PLAA: variants seen among roughly 807,000 people sequenced by gnomAD.
PLAA encodes the protein phospholipase A2 activating protein.
A neutral mutation model predicts 84.1 loss-of-function variants in PLAA; 48 were observed. The observed-to-expected ratio is 0.57, with a 90% confidence interval of 0.45 to 0.73. The LOEUF is 0.73. PLAA is among the 30% of genes least tolerant of loss of function. The pLI, the probability that PLAA is intolerant of heterozygous loss-of-function variation, is 0.00. For missense variants in PLAA, 903 were observed against 954.7 expected (o/e 0.95, Z 0.71); for synonymous variants, 392 against 336.6 (o/e 1.16, Z -1.80).
At chr9:26,936,068 C>T (rs951083650) in intron 1 of PLAA, among the ~76,000 whole-genome samples, 12 of 152,004 alleles carry the variant, frequency 7.9e-5, no homozygotes, top group African/African-American at 2.9e-4. Context: ...ATCCCTGACT[C>T]AGCTAAATCA....
At chr9:26,906,119 A>C in intron 13 of PLAA, 43 bp from the exon 14 acceptor site, 1 of 1,281,408 alleles carries the variant, frequency 7.8e-7, no homozygotes, top group Non-Finnish European at 1.0e-6. Flanking sequence ...AAAATAAAGA[A>C]AATTTCTTTT....
At chr9:26,917,750 G>A (rs369900494) in intron 9 of PLAA, among the ~76,000 whole-genome samples, 5 of 152,226 alleles carry the variant, frequency 3.3e-5, no homozygotes, top group South Asian at 2.1e-4. Context: ...AATGTGTGGC[G>A]TATGTGCCTA....
chr9:26,941,085 G>A (rs1825519072), intron 1 of PLAA, among the ~76,000 whole-genome samples: 1 of 147,280 alleles, frequency 6.8e-6, no homozygotes, highest in African/African-American at 2.5e-5. Context: ...CAAGTCCCTA[G>A]CACAATGTTT....
At chr9:26,922,838 G>A (rs557076965) in intron 7 of PLAA, among the ~76,000 whole-genome samples, 4 of 151,960 alleles carry the variant, frequency 2.6e-5, no homozygotes, top group Admixed American at 2.0e-4. Flanking sequence ...GGCTAATTTC[G>A]TATTTAAACT....
In PLAA at chr9:26,923,140, T is replaced by A. The variant is rs201954671; in HGVS notation, c.1039+38A>T. The A allele has an allele frequency of 2.0e-5, 29 of 1,430,730 alleles. No individual in the cohort carries two copies. The East Asian group carries it at 6.5e-4, about 32-fold the overall frequency. The allele number at this position is 1,430,730 out of a possible 1,614,324, so 88.6% of individuals were successfully genotyped here. On this transcript the variant is annotated intron_variant, in intron 7 of 13. Coordinates refer to ENST00000397292, the MANE Select transcript of PLAA (RefSeq NM_001031689.3). ...TTCTAATTGTTCCAAAAGCCAAATA[T>A]GGTGAATTTTTTCTACTAGGTACAA...
rs1425927279 is a variant in PLAA, at chr9:26,928,174, C to G, written c.491G>C (p.Gly164Ala). ...VWAVKILPEQ[G>A]LMLTGSADKT... ...GTCTGCTGATCCAGTCAACATTAAG[C>G]CCTGTTCAGGTAAGATCTTTACCGC... The change falls in exon 4 of 14, where the codon GGC (glycine) becomes GCC (alanine). Residue 164 changes from glycine (G) to alanine (A), a missense_variant. By Grantham distance (60) the Gly-to-Ala change is moderately conservative. Coordinates refer to ENST00000397292, the MANE Select transcript of PLAA (RefSeq NM_001031689.3). The G allele has an allele frequency of 6.2e-7, 1 of 1,614,178 alleles. No homozygotes were observed.
intron 13 of PLAA, chr9:26,907,541 AAAAC>A (rs1824275372): frequency 2.4e-5 from 7 of 291,810 alleles, no homozygotes; most frequent in South Asian, 2.4e-4. Flanking sequence ...CTCCATTTCA[AAAAC>A]AAAAACAAAA....
intron 1 of PLAA, among the ~76,000 whole-genome samples, chr9:26,940,361 C>G (rs1825493951): frequency 6.6e-6 from 1 of 152,154 alleles, no homozygotes; most frequent in Non-Finnish European, 1.5e-5. Context: ...ATGGAAGAAC[C>G]TTGAGGACAT....
chr9:26,946,793 T>G, intron 1 of PLAA, 104 bp downstream of exon 1: 1 of 1,300,430 alleles, frequency 7.7e-7, no homozygotes, highest in Non-Finnish European at 1.0e-6. Flanking sequence ...GAGGGAAGGC[T>G]GGGGGGAGAG....
At chr9:26,925,351 A>C (rs891010037) in intron 6 of PLAA, among the ~76,000 whole-genome samples, 1 of 152,216 alleles carries the variant, frequency 6.6e-6, no homozygotes, top group African/African-American at 2.4e-5. Flanking sequence ...GTTAAGCCCC[A>C]TTGTACCTAT....
chr9:26,918,694 T>C (rs1320318064), intron 9 of PLAA, among the ~76,000 whole-genome samples: 1 of 152,170 alleles, frequency 6.6e-6, no homozygotes, highest in African/African-American at 2.4e-5. Context: ...AAATGTTATT[T>C]AGAGGAGGCA....
intron 1 of PLAA, among the ~76,000 whole-genome samples, chr9:26,941,647 A>G (rs1189829130): frequency 6.6e-6 from 1 of 152,236 alleles, no homozygotes; most frequent in Non-Finnish European, 1.5e-5. Context: ...GAAATACCTT[A>G]AAACATTTTT....
In PLAA at chr9:26,905,256, T is replaced by C. The variant is rs1269058746; in HGVS notation, c.*255A>G. The C allele has an allele frequency of 4.8e-6, 2 of 420,486 alleles. No homozygotes were observed. The highest frequency in any genetic ancestry group is 4.2e-5 in the East Asian group (1 of 23,808). 26.0% of individuals were successfully genotyped at this position (420,486 alleles called of 1,614,324 possible). A position where few individuals can be genotyped will look rare whatever the true frequency, so the allele number is the denominator to read the frequency against. On this transcript the variant is annotated 3_prime_UTR_variant, in exon 14 of 14. Transcript: ENST00000397292. ...AGGTAAGGGGAAGATGTCATTGTCA[T>C]TGTGTTGTTGCTGATTATAGCTTAT...
intron 10 of PLAA, chr9:26,916,772 T>A: frequency 2.7e-6 from 2 of 748,360 alleles, no homozygotes; most frequent in Non-Finnish European, 3.3e-6. Context: ...TCATAGCAAG[T>A]AAGTGGTAGA....
intron 1 of PLAA, among the ~76,000 whole-genome samples, chr9:26,940,715 G>GAGGTGAGGACAAAGAGGC (rs958582460): frequency 5.3e-5 from 8 of 152,184 alleles, no homozygotes; most frequent in Non-Finnish European, 1.2e-4. Context: ...TATACCTCCA[G>GAGGTGAGGACAAAGAGGC]AGGTGAGGAC....
chr9:26,937,346 CAA>C (rs1480520441), intron 1 of PLAA, among the ~76,000 whole-genome samples: 1 of 152,072 alleles, frequency 6.6e-6, no homozygotes, highest in Non-Finnish European at 1.5e-5. Context: ...ATATTTGAAA[CAA>C]AGACACCCTT....
chr9:26,946,799 G>T (rs1314768144), intron 1 of PLAA, 98 bp downstream of exon 1: 4 of 1,324,622 alleles, frequency 3.0e-6, no homozygotes, highest in Middle Eastern at 1.9e-4. Flanking sequence ...AGGCTGGGGG[G>T]AGAGAGAGAC....
In PLAA at chr9:26,946,891, G is replaced by A. The variant is rs1329453478; in HGVS notation, c.149+6C>T. 1 of 1,574,204 alleles carries A rather than the reference G, an allele frequency of 6.4e-7. No homozygotes were observed. Among genetic ancestry groups the A allele is most frequent in the African/African-American group, 1.4e-5 (1 of 74,026 alleles). On this transcript the variant is annotated splice_donor_region_variant and intron_variant, in intron 1 of 13. Coordinates refer to ENST00000397292, the MANE Select transcript of PLAA (RefSeq NM_001031689.3). ...CAGCCGGGGCAACCCGACTCCCAGC[G>A]CTCACCTGTCTGGGGCCCAGAGGCG...
At chr9:26,942,490 A>T (rs1381806436) in intron 1 of PLAA, among the ~76,000 whole-genome samples, 6 of 152,262 alleles carry the variant, frequency 3.9e-5, no homozygotes, top group Admixed American at 2.0e-4. Context: ...TAAGCTAAGC[A>T]AATGAAAACC....
Sources: allele counts gnomAD v4.1 joint callset (sites outside exome capture counted in the v4.1 genomes callset), GRCh38; gene constraint gnomAD v4.1.1; transcripts MANE v1.5; gene names NCBI Gene and HGNC (gene_info 2026-07-23, HGNC 2026-07-21).